CSMD1: variants seen among roughly 807,000 people sequenced by gnomAD.
CSMD1 encodes CUB and sushi domain-containing protein 1.
CSMD1 carries 213 observed loss-of-function variants against 417.5 expected under a neutral mutation model. That is an observed-to-expected ratio of 0.51 (90% confidence interval 0.46 to 0.57). The LOEUF (loss-of-function observed/expected upper bound fraction) is 0.57. Among genes scored for constraint, CSMD1 ranks in the 20% least tolerant of loss-of-function variants. The probability of loss-of-function intolerance (pLI) is 0.00; values close to 1 mark genes in which losing one functional copy is unlikely to be tolerated. For missense variants in CSMD1, 6,923 were observed against 4,529.7 expected (o/e 1.53, Z -15.17); for synonymous variants, 2,862 against 1,736.8 (o/e 1.65, Z -16.11).
At chr8:4,283,200 T>C (rs570197995) in intron 3 of CSMD1, among the ~76,000 whole-genome samples, 3 of 152,192 alleles carry the variant, frequency 2.0e-5, no homozygotes, top group African/African-American at 4.8e-5. Flanking sequence ...AAATTATATA[T>C]GAATATGATT....
chr8:4,055,030 A>G (rs971743502), intron 3 of CSMD1, among the ~76,000 whole-genome samples: 4 of 152,318 alleles, frequency 2.6e-5, no homozygotes, highest in African/African-American at 9.6e-5. Flanking sequence ...CGCCTATTTC[A>G]CAAACTTACA....
At chr8:4,030,412 A>C (rs955637045) in intron 4 of CSMD1, among the ~76,000 whole-genome samples, 1 of 152,290 alleles carries the variant, frequency 6.6e-6, no homozygotes, top group Admixed American at 6.5e-5. Context: ...TCAACACCAC[A>C]TGGAAGCTGC....
At position 3,151,524 on chromosome 8, in the gene CSMD1, G is replaced by C. The variant is rs1407138010; in HGVS notation, c.5915-11C>G. ...TCCCTCCACAGGTTGCTGTTAAGTG[G>C]ACAAGATGTCAGTCCTGCAGGTCCT... On this transcript the variant is annotated splice_polypyrimidine_tract_variant and intron_variant, in intron 39 of 69. Coordinates refer to ENST00000635120, the MANE Select transcript of CSMD1 (RefSeq NM_033225.6). 5 of 1,572,424 alleles carry C rather than the reference G, an allele frequency of 3.2e-6. No individual in the cohort carries two copies. Among genetic ancestry groups the C allele is most frequent in the Non-Finnish European group, 4.4e-6 (5 of 1,145,372 alleles).
intron 3 of CSMD1, among the ~76,000 whole-genome samples, chr8:4,232,007 C>T (rs753810307): frequency 2.0e-5 from 3 of 152,180 alleles, no homozygotes; most frequent in Admixed American, 6.5e-5. Context: ...AAGCCATCGA[C>T]ATAGGACGTA....
chr8:3,366,547 A>G (rs1300104065), intron 20 of CSMD1, among the ~76,000 whole-genome samples: 1 of 152,176 alleles, frequency 6.6e-6, no homozygotes, highest in Non-Finnish European at 1.5e-5. Context: ...ATTGCATATG[A>G]ATATATTAAA....
At chr8:3,486,678 G>A (rs1027082017) in intron 11 of CSMD1, among the ~76,000 whole-genome samples, 1 of 152,178 alleles carries the variant, frequency 6.6e-6, no homozygotes, top group Admixed American at 6.5e-5. Context: ...GCTGCCCTCG[G>A]GCTCCGATTC....
intron 4 of CSMD1, among the ~76,000 whole-genome samples, chr8:4,022,927 T>C (rs912763995): frequency 1.3e-5 from 2 of 152,262 alleles, no homozygotes; most frequent in East Asian, 3.9e-4. Context: ...TGCAACTAAG[T>C]AATGAGAGAA....
At chr8:3,821,775 C>G (rs753068622) in intron 5 of CSMD1, among the ~76,000 whole-genome samples, 14 of 152,050 alleles carry the variant, frequency 9.2e-5, no homozygotes, top group African/African-American at 2.9e-4. Flanking sequence ...GAGTGAGACT[C>G]TGTCTCAAAA....
chr8:4,923,760 C>T (rs1806660409), intron 1 of CSMD1, among the ~76,000 whole-genome samples: 1 of 152,206 alleles, frequency 6.6e-6, no homozygotes, highest in African/African-American at 2.4e-5. Context: ...AAAGGTCATT[C>T]TATTATATAT....
intron 10 of CSMD1, among the ~76,000 whole-genome samples, chr8:3,530,958 T>C (rs1168693702): frequency 1.3e-5 from 2 of 151,910 alleles, no homozygotes; most frequent in African/African-American, 2.4e-5. Context: ...GTTCAAGCGA[T>C]TCTCCTGCCT....
intron 5 of CSMD1, among the ~76,000 whole-genome samples, chr8:3,792,106 C>A (rs988916559): frequency 1.3e-5 from 2 of 152,076 alleles, no homozygotes; most frequent in African/African-American, 4.8e-5. Context: ...TGAGCCTGGG[C>A]CAAATAGGGA....
intron 2 of CSMD1, among the ~76,000 whole-genome samples, chr8:4,598,093 G>T (rs539666046): frequency 6.6e-6 from 1 of 151,976 alleles, no homozygotes; most frequent in Admixed American, 6.6e-5. Context: ...TAAAAAGCTA[G>T]AATAAATGCT....
chr8:3,772,043 T>G (rs1221967323), intron 5 of CSMD1, among the ~76,000 whole-genome samples: 1 of 151,798 alleles, frequency 6.6e-6, no homozygotes, highest in Non-Finnish European at 1.5e-5. Context: ...GAGCTTCTAG[T>G]GCGAGCATCT....
At chr8:4,531,934 C>G (rs1796838179) in intron 2 of CSMD1, among the ~76,000 whole-genome samples, 1 of 150,594 alleles carries the variant, frequency 6.6e-6, no homozygotes, top group South Asian at 2.1e-4. Flanking sequence ...CAAGCCCATT[C>G]ACACTCACTC....
intron 20 of CSMD1, among the ~76,000 whole-genome samples, chr8:3,365,273 T>G (rs978461731): frequency 2.0e-5 from 3 of 152,156 alleles, no homozygotes; most frequent in African/African-American, 4.8e-5. Flanking sequence ...TTCACTTGAG[T>G]AGTGAAATAC....
chr8:4,819,005 T>C (rs976526885), intron 1 of CSMD1, among the ~76,000 whole-genome samples: 1 of 152,136 alleles, frequency 6.6e-6, no homozygotes, highest in Non-Finnish European at 1.5e-5. Context: ...AAATATTAGC[T>C]ATGTTTCATG....
At chr8:4,555,281 G>GA (rs1449569858) in intron 2 of CSMD1, among the ~76,000 whole-genome samples, 2 of 151,922 alleles carry the variant, frequency 1.3e-5, no homozygotes, top group South Asian at 2.1e-4. Context: ...GAAGATGCCA[G>GA]AAAAAAGACA....
chr8:4,627,919 A>C (rs1020618293), intron 2 of CSMD1, among the ~76,000 whole-genome samples: 1 of 152,102 alleles, frequency 6.6e-6, no homozygotes, highest in South Asian at 2.1e-4. Flanking sequence ...TATCCTGTCC[A>C]CTGCAGGACG....
chr8:4,206,022 G>C (rs1189287789), intron 3 of CSMD1, among the ~76,000 whole-genome samples: 2 of 151,870 alleles, frequency 1.3e-5, no homozygotes, highest in African/African-American at 4.8e-5. Context: ...AAACTACATA[G>C]TTCCTCCCCA....
Sources: gnomAD v4.1 joint callset for allele counts (sites outside exome capture counted in the v4.1 genomes callset) on GRCh38, gnomAD v4.1.1 for gene constraint, MANE v1.5 for transcripts, NCBI Gene and HGNC (gene_info 2026-07-23, HGNC 2026-07-21) for gene names.